Variants in PLEKHF1 observed in about 807,000 individuals in gnomAD.
The protein encoded by PLEKHF1 is pleckstrin homology domain-containing family F member 1.
PLEKHF1 carries 1 observed loss-of-function variant against 4.1 expected under a neutral mutation model. That is an observed-to-expected ratio of 0.24 (90% CI 0.09 to 1.15). PLEKHF1 has a LOEUF of 1.15. Among genes scored for constraint, PLEKHF1 ranks in the 50% most tolerant of loss-of-function variants. The pLI is 0.52. For synonymous variants in PLEKHF1, 182 were observed against 178.5 expected, an observed-to-expected ratio of 1.02 and a Z score of -0.16; for missense variants, 429 against 400.6, an observed-to-expected ratio of 1.07 and a Z score of -0.60.
intron 1 of PLEKHF1, among the ~76,000 whole-genome samples, chr19:29,666,439 A>T (rs548814247): frequency 6.6e-6 from 1 of 152,208 alleles, no homozygotes; most frequent in South Asian, 2.1e-4. Context: ...GGCTGCCAAA[A>T]CACAGGCCAG....
intron 1 of PLEKHF1, among the ~76,000 whole-genome samples, chr19:29,669,558 C>T (rs1467137534): frequency 6.6e-6 from 1 of 152,218 alleles, no homozygotes. Context: ...GGCGTCCCAT[C>T]ATGAGACATG....
chr19:29,665,618 G>C, intron 1 of PLEKHF1, 113 bp downstream of exon 1: 1 of 1,180,782 alleles, frequency 8.5e-7, no homozygotes. Context: ...GCGCGGTCTT[G>C]GCGGCTCCTG....
intron 1 of PLEKHF1, chr19:29,665,876 C>G (rs751782709): frequency 9.6e-5 from 89 of 923,804 alleles, no homozygotes; most frequent in Non-Finnish European, 1.1e-4. Flanking sequence ...ATCCTGGCCT[C>G]GTGTGGCCGC....
rs368649144 is a variant in PLEKHF1, at chr19:29,673,940, G to T, written c.101G>T (p.Arg34Leu). ...ASGQPLALPG[R>L]VLLGEGVLTK... ...GGGCAGCCGCTGGCGCTGCCAGGCC[G>T]AGTGCTGCTGGGCGAGGGCGTGCTG... is the stretch of plus-strand genomic sequence containing the variant. The change falls in exon 2 of 2, where the codon CGA becomes CTA. Residue 34 changes from arginine (R) to leucine (L), a missense_variant. By Grantham distance (102) the Arg-to-Leu change is moderately radical (BLOSUM62 -2). Coordinates refer to ENST00000436066, the MANE Select transcript of PLEKHF1 (RefSeq NM_024310.5). The T allele has an allele frequency of 2.5e-6, 4 of 1,613,532 alleles. No individual in the cohort carries two copies. The South Asian group carries it at 3.3e-5, about 13-fold the overall frequency.
In PLEKHF1 at chr19:29,674,441, T is replaced by A. The variant is rs1568311861; in HGVS notation, c.602T>A (p.Val201Glu). 6.5e-7 allele frequency: 1 copy of A among 1,533,446 alleles called. No individual in the cohort carries two copies. Among genetic ancestry groups the A allele is most frequent in the Non-Finnish European group, 8.7e-7 (1 of 1,143,556 alleles). 95.0% of individuals were successfully genotyped at this position (1,533,446 alleles called of 1,614,324 possible). The change falls in exon 2 of 2, where the codon GTG (valine) becomes GAG (glutamate). Residue 201 changes from valine to glutamate, a missense_variant. Transcript: ENST00000436066. ...FLLPRLSPKP[V>E]RVCSLCYREL... ...CTCCCGCGCCTGTCCCCCAAGCCCG[T>A]GCGCGTCTGCAGCCTCTGCTACCGC...
At position 29,674,024 on chromosome 19, in the gene PLEKHF1, T is replaced by C. The variant is rs1485768517; in HGVS notation, c.185T>C (p.Leu62Pro). 1 of 1,614,126 alleles carries C rather than the reference T, an allele frequency of 6.2e-7. No homozygotes were observed. Residue 62 changes from leucine to proline, a missense_variant, in exon 2 of 2, where the codon CTG (leucine) becomes CCG (proline). Transcript: ENST00000436066. ...PRIFFLFNDI[L>P]VYGSIVLNKR... is the part of the protein sequence containing the mutation. ...ATCTTCTTCCTCTTTAACGACATCC[T>C]GGTGTATGGCAGCATCGTGCTCAAC...
At position 29,674,578 on chromosome 19, in the gene PLEKHF1, G is replaced by C; in HGVS notation, c.739G>C (p.Asp247His). The change falls in exon 2 of 2, where the codon GAT (aspartate) becomes CAT (histidine). Residue 247 changes from aspartate (D) to histidine (H), a missense_variant. By Grantham distance (81) the Asp-to-His change is moderately conservative. Coordinates refer to ENST00000436066, the MANE Select transcript of PLEKHF1 (RefSeq NM_024310.5). ...CTGCGGAGCGTCCAGTGGAGATGAC[G>C]ATGACTCCGACGAGGACAAGGAGGG... ...PICGASSGDDDDSDEDKEGSR... is the reference protein window; with the variant it reads ...PICGASSGDDHDSDEDKEGSR... 6.2e-7 allele frequency: 1 copy of C among 1,603,064 alleles called. No homozygotes were observed. The highest frequency in any genetic ancestry group is 8.5e-7 in the Non-Finnish European group (1 of 1,175,692).
Position 29,665,465 on chromosome 19 carries a change from C to G in PLEKHF1, c.-57C>G. 1.1e-6 allele frequency: 1 copy of G among 888,586 alleles called. No homozygotes were observed. Among genetic ancestry groups the G allele is most frequent in the Non-Finnish European group, 1.5e-6 (1 of 680,054 alleles). The allele number at this position is 888,586 out of a possible 1,614,324, so 55.0% of individuals were successfully genotyped here. On this transcript the variant is annotated 5_prime_UTR_variant, in exon 1 of 2. Coordinates refer to ENST00000436066, the MANE Select transcript of PLEKHF1 (RefSeq NM_024310.5). The stretch of plus-strand genomic sequence containing the variant: ...GAGCGGGCGGGGACCCGGGCTACTG[C>G]GGTGTGGACTCGAGGGCTGGGCGCG...
At position 29,674,656 on chromosome 19, in the gene PLEKHF1, G is replaced by T. The variant is rs1971682859; in HGVS notation, c.817G>T (p.Ala273Ser). The T allele has an allele frequency of 6.2e-7, 1 of 1,606,268 alleles. No individual in the cohort carries two copies. The highest frequency in any genetic ancestry group is 1.3e-5 in the African/African-American group (1 of 74,774). Residue 273 changes from alanine (A) to serine (S), a missense_variant, in exon 2 of 2, where the codon GCC (alanine) becomes TCC (serine). Ala to Ser is a moderately conservative substitution (Grantham distance 99). Coordinates refer to ENST00000436066, the MANE Select transcript of PLEKHF1 (RefSeq NM_024310.5). ...CGTGGAGTTCTACGCCTCGGGGGTGGCCTGGTCTGCCTTCCACAGCTGACC... is the reference window on the plus strand; with the variant it reads ...CGTGGAGTTCTACGCCTCGGGGGTGTCCTGGTCTGCCTTCCACAGCTGACC... ...SSVEFYASGV[A>S]WSAFHS
At chr19:29,673,560 CTT>C (rs1214764318) in intron 1 of PLEKHF1, among the ~76,000 whole-genome samples, 5 of 152,168 alleles carry the variant, frequency 3.3e-5, no homozygotes, top group Admixed American at 3.3e-4. Flanking sequence ...AAGTAGCACA[CTT>C]TATCACTGCC....
Position 29,674,228 on chromosome 19 carries a change from T to C in PLEKHF1, c.389T>C (p.Val130Ala), listed in dbSNP as rs1971669253. 2 of 1,611,706 alleles carry C rather than the reference T, an allele frequency of 1.2e-6. No homozygotes were observed. Among genetic ancestry groups the C allele is most frequent in the Non-Finnish European group, 1.7e-6 (2 of 1,179,726 alleles). The change falls in exon 2 of 2, where the codon GTG becomes GCG. Residue 130 changes from valine (V) to alanine (A), a missense_variant. Transcript: ENST00000436066. The stretch of plus-strand genomic sequence containing the variant: ...TGGATTAGCCACATCGAGGAGTGCG[T>C]GCGGCGGCAACTGAGGGCCACGGGC... The part of the protein sequence containing the change: ...QEWISHIEEC[V>A]RRQLRATGRP...
At chr19:29,670,398 C>A (rs539284903) in intron 1 of PLEKHF1, among the ~76,000 whole-genome samples, 6 of 152,280 alleles carry the variant, frequency 3.9e-5, no homozygotes, top group African/African-American at 1.4e-4. Flanking sequence ...TTGTGATGGG[C>A]CTGCTTTACT....
At chr19:29,666,271 C>T (rs146642268) in intron 1 of PLEKHF1, among the ~76,000 whole-genome samples, 163 of 152,322 alleles carry the variant, frequency 1.1e-3, no homozygotes, top group African/African-American at 3.8e-3. Flanking sequence ...CCTCTGGTAT[C>T]TCCTGGCCAG....
At chr19:29,667,857 CA>C (rs1025502454) in intron 1 of PLEKHF1, among the ~76,000 whole-genome samples, 10 of 124,612 alleles carry the variant, frequency 8.0e-5, no homozygotes, top group Admixed American at 7.8e-4. Flanking sequence ...CCTTTTCTCT[CA>C]AGAGCTGGTA....
Position 29,674,672 on chromosome 19 carries a change from A to G in PLEKHF1, c.833A>G (p.His278Arg), listed in dbSNP as rs1971683190. Residue 278 changes from histidine to arginine, a missense_variant, in exon 2 of 2, where the codon CAC (histidine) becomes CGC (arginine). Coordinates refer to ENST00000436066, the MANE Select transcript of PLEKHF1 (RefSeq NM_024310.5). ...YASGVAWSAF[H>R]S ...TCGGGGGTGGCCTGGTCTGCCTTCC[A>G]CAGCTGACCCCCGGCCTGCAGAACA... The G allele has an allele frequency of 5.0e-6, 8 of 1,600,704 alleles. No individual in the cohort carries two copies. The highest frequency in any genetic ancestry group is 1.3e-5 in the African/African-American group (1 of 74,660).
Position 29,674,826 on chromosome 19 carries a change from T to A in PLEKHF1, c.*147T>A. On this transcript the variant is annotated 3_prime_UTR_variant, in exon 2 of 2. Transcript: ENST00000436066. ...GGAGTGGCTCTTTCTGGACTCCCAG[T>A]GCCTTTTTGCTGGACACTGTGTCCT... 8.1e-7 allele frequency: 1 copy of A among 1,231,496 alleles called. No homozygotes were observed. The highest frequency in any genetic ancestry group is 1.1e-6 in the Non-Finnish European group (1 of 904,746). The allele number at this position is 1,231,496 out of a possible 1,614,324, so 76.3% of individuals were successfully genotyped here. A position where few individuals can be genotyped will look rare whatever the true frequency, so the allele number is the denominator to read the frequency against.
chr19:29,668,004 C>T (rs1329037657), intron 1 of PLEKHF1, among the ~76,000 whole-genome samples: 1 of 152,230 alleles, frequency 6.6e-6, no homozygotes, highest in Non-Finnish European at 1.5e-5. Flanking sequence ...TCACGTATCA[C>T]ACCTGGGCTG....
intron 1 of PLEKHF1, among the ~76,000 whole-genome samples, chr19:29,670,378 A>G (rs1027504571): frequency 3.9e-5 from 6 of 152,244 alleles, no homozygotes; most frequent in Non-Finnish European, 4.4e-5. Flanking sequence ...TTATTACAGT[A>G]TTTGTCCTTT....
At position 29,674,595 on chromosome 19, in the gene PLEKHF1, C is replaced by A; in HGVS notation, c.756C>A (p.Asp252Glu). 1 of 1,606,944 alleles carries A rather than the reference C, an allele frequency of 6.2e-7. No individual in the cohort carries two copies. The highest frequency in any genetic ancestry group is 8.5e-7 in the Non-Finnish European group (1 of 1,177,454). Reference sequence around the variant, plus strand: ...GAGATGACGATGACTCCGACGAGGACAAGGAGGGCAGCAGGGACGGCGACT... The same window carrying A: ...GAGATGACGATGACTCCGACGAGGAAAAGGAGGGCAGCAGGGACGGCGACT... ...SSGDDDDSDE[D>E]KEGSRDGDWP... The change falls in exon 2 of 2, where the codon GAC becomes GAA. Residue 252 changes from aspartate (D) to glutamate (E), a missense_variant. Transcript: ENST00000436066.
Sources: gnomAD v4.1 joint callset for allele counts (sites outside exome capture counted in the v4.1 genomes callset) on GRCh38, gnomAD v4.1.1 for gene constraint, MANE v1.5 for transcripts, NCBI Gene and HGNC (gene_info 2026-07-23, HGNC 2026-07-21) for gene names.